The following MACO1 variants were observed in gnomAD, a reference collection of about 807,000 sequenced individuals.
The protein encoded by MACO1 is macoilin 1.
A neutral mutation model predicts 78.7 loss-of-function variants in MACO1; 14 were observed. The observed-to-expected ratio is 0.18, with a 90% CI of 0.12 to 0.28. The LOEUF (loss-of-function observed/expected upper bound fraction) is 0.28, where lower values mean the gene tolerates loss of function less well. Ranked by LOEUF, MACO1 falls within the 10% of genes least tolerant of loss-of-function variation. The pLI is 1.00. For missense variants in MACO1, 501 were observed against 799.0 expected (o/e 0.63, Z 4.50); for synonymous variants, 288 against 291.6 (o/e 0.99, Z 0.12).
At chr1:25,479,421 CT>C (rs1046239133) in intron 6 of MACO1, among the ~76,000 whole-genome samples, 5 of 149,302 alleles carry the variant, frequency 3.3e-5, no homozygotes, top group African/African-American at 4.9e-5. Flanking sequence ...ACACATACTT[CT>C]TTTTTTTTTG....
At chr1:25,487,747 A>G (rs907253914) in intron 8 of MACO1, among the ~76,000 whole-genome samples, 1 of 152,132 alleles carries the variant, frequency 6.6e-6, no homozygotes, top group Non-Finnish European at 1.5e-5. Context: ...ATTTTTTTCT[A>G]GTTCACCGCC....
chr1:25,479,453 G>A (rs1419275385), intron 6 of MACO1, among the ~76,000 whole-genome samples: 6 of 151,448 alleles, frequency 4.0e-5, no homozygotes, highest in Non-Finnish European at 1.5e-5. Context: ...TCTCTCTGTC[G>A]CCCAGACTGG....
chr1:25,467,245 G>A (rs982160558), intron 6 of MACO1, among the ~76,000 whole-genome samples: 19 of 152,126 alleles, frequency 1.2e-4, no homozygotes, highest in African/African-American at 3.6e-4. Context: ...GCAACAAAGC[G>A]AGGCTCTTTC....
At chr1:25,492,584 C>G (rs1183717667) in intron 10 of MACO1, among the ~76,000 whole-genome samples, 2 of 151,956 alleles carry the variant, frequency 1.3e-5, no homozygotes, top group African/African-American at 4.8e-5. Context: ...GGAGAGTTGT[C>G]AGAGCAGACA....
At chr1:25,432,595 T>G (rs2042885653) in intron 1 of MACO1, among the ~76,000 whole-genome samples, 1 of 152,256 alleles carries the variant, frequency 6.6e-6, no homozygotes, top group Non-Finnish European at 1.5e-5. Context: ...TACACATAGA[T>G]GGAGGAAAGG....
At chr1:25,483,207 T>C (rs950749244) in intron 6 of MACO1, among the ~76,000 whole-genome samples, 1 of 152,090 alleles carries the variant, frequency 6.6e-6, no homozygotes, top group Non-Finnish European at 1.5e-5. Flanking sequence ...CGCGCCACCA[T>C]GCCCAGCTAA....
At chr1:25,482,995 C>A (rs2043393767) in intron 6 of MACO1, among the ~76,000 whole-genome samples, 1 of 152,052 alleles carries the variant, frequency 6.6e-6, no homozygotes, top group Non-Finnish European at 1.5e-5. Context: ...TTTCTTTGTT[C>A]CTAATTGTGA....
intron 3 of MACO1, among the ~76,000 whole-genome samples, chr1:25,451,770 G>A (rs1295710025): frequency 6.6e-6 from 1 of 151,910 alleles, no homozygotes; most frequent in Non-Finnish European, 1.5e-5. Context: ...GCCAGGCATG[G>A]TGGTGTGTGC....
chr1:25,495,896 A>G lies in MACO1; in HGVS notation c.1793-2368A>G, dbSNP rs569219101. Among the ~76,000 whole-genome samples the G allele has an allele frequency of 2.6e-5, 4 of 152,170 alleles. No homozygotes were observed. In the South Asian group the frequency reaches 8.3e-4, roughly 32 times the overall value. On this transcript the variant is annotated intron_variant, in intron 10 of 10. Coordinates refer to ENST00000374343, the MANE Select transcript of MACO1 (RefSeq NM_018202.6). ...AGAATTGCTTGAACCCCGAAAGTGG[A>G]GGTTGCAGTGAGTAGCAATCACGCC...
intron 10 of MACO1, among the ~76,000 whole-genome samples, chr1:25,495,721 T>C (rs1225423684): frequency 1.3e-5 from 2 of 152,176 alleles, no homozygotes; most frequent in Admixed American, 1.3e-4. Flanking sequence ...ACCAGCACTT[T>C]GGGAGGCCAA....
intron 6 of MACO1, among the ~76,000 whole-genome samples, chr1:25,477,142 A>G (rs1390459689): frequency 6.6e-6 from 1 of 152,238 alleles, no homozygotes; most frequent in Non-Finnish European, 1.5e-5. Flanking sequence ...GTTTGATGCC[A>G]AATGTGAAAC....
chr1:25,485,855 A>T lies in MACO1; in HGVS notation c.1496+60A>T, dbSNP rs1371908218. The stretch of plus-strand genomic sequence containing the variant: ...TTGGCTTTCCTTTACCAACAAAGAC[A>T]TGGGAATTTGGTGCCTTGGGCAGGA... On this transcript the variant is annotated intron_variant, in intron 8 of 10. Transcript: ENST00000374343. This position sits in a 1 kb window ranked among gnomAD's most constrained non-coding sequence, Gnocchi z 4.3. 19 of 1,550,438 alleles carry T rather than the reference A, an allele frequency of 1.2e-5. No individual in the cohort carries two copies. Among genetic ancestry groups the T allele is most frequent in the Non-Finnish European group, 1.5e-5 (17 of 1,147,250 alleles).
At chr1:25,490,740 A>G (rs74063420) in intron 9 of MACO1, among the ~76,000 whole-genome samples, 11,183 of 152,280 alleles carry the variant, frequency 0.073, 1,345 homozygotes, top group African/African-American at 0.25. Flanking sequence ...TTTTCAAACA[A>G]TAGTTAAAAT....
chr1:25,485,747 TAGA>T lies in MACO1; in HGVS notation c.1454_1456del (p.Glu485del), dbSNP rs2043423945. 2 of 1,613,970 alleles carry T rather than the reference TAGA, an allele frequency of 1.2e-6. No homozygotes were observed. The highest frequency in any genetic ancestry group is 1.7e-5 in the Admixed American group (1 of 59,998). ...ATGGAAGAGAAAAAGAGGAAGAAGT[TAGA>T]AGAAGCCACTGCTGCCCGGGCTGTT... On this transcript the variant is annotated inframe_deletion, in exon 8 of 11. Coordinates refer to ENST00000374343, the MANE Select transcript of MACO1 (RefSeq NM_018202.6). This position sits in a 1 kb window ranked among gnomAD's most constrained non-coding sequence, Gnocchi z 4.3.
intron 6 of MACO1, among the ~76,000 whole-genome samples, chr1:25,469,122 C>G (rs2043244902): frequency 2.0e-5 from 3 of 152,076 alleles, no homozygotes; most frequent in Non-Finnish European, 4.4e-5. Flanking sequence ...GGATTACAGG[C>G]GTGAGCCACC....
At chr1:25,460,422 G>A (rs1435612465) in intron 6 of MACO1, among the ~76,000 whole-genome samples, 1 of 116,068 alleles carries the variant, frequency 8.6e-6, no homozygotes, top group African/African-American at 3.3e-5. Flanking sequence ...TTTTTTTTTT[G>A]AGATAGGATC....
chr1:25,431,110 G>A lies in MACO1; in HGVS notation c.12G>A (p.Arg4=), dbSNP rs2124562394. The part of the protein sequence containing the change: MKR[R]NADCSKLRRP... ...CCCCCAGCGGGAGGATGAAGCGGCG[G>A]AACGCCGACTGCAGTAAGCTCCGCC... is the stretch of plus-strand genomic sequence containing the variant. The change falls in exon 1 of 11, where the codon CGG becomes CGA. Residue 4 remains arginine, a synonymous_variant. Transcript: ENST00000374343. 6.3e-7 allele frequency: 1 copy of A among 1,593,734 alleles called. No individual in the cohort carries two copies. Among genetic ancestry groups the A allele is most frequent in the East Asian group, 2.3e-5 (1 of 42,802 alleles).
At chr1:25,467,608 A>G (rs2043230886) in intron 6 of MACO1, among the ~76,000 whole-genome samples, 1 of 152,076 alleles carries the variant, frequency 6.6e-6, no homozygotes, top group Non-Finnish European at 1.5e-5. Context: ...TTTATTTTTA[A>G]TATGGTATCA....
chr1:25,499,582 TAAACTC>T lies in MACO1; in HGVS notation c.*1120_*1125del, dbSNP rs1269500590. ...GAGGGTTTTTTTTTTTTAAGACTCT[TAAACTC>T]AAAACTCTGCACAAAGATTTCAGTT... On this transcript the variant is annotated 3_prime_UTR_variant, in exon 11 of 11. Coordinates refer to ENST00000374343, the MANE Select transcript of MACO1 (RefSeq NM_018202.6). 2.0e-5 allele frequency: 3 copies of T among 148,346 alleles called. No homozygotes were observed. The highest frequency in any genetic ancestry group is 2.0e-4 in the East Asian group (1 of 5,026). 9.2% of individuals were successfully genotyped at this position (148,346 alleles called of 1,614,324 possible).
Sources: gnomAD v4.1 joint callset for allele counts (sites outside exome capture counted in the v4.1 genomes callset) on GRCh38, gnomAD v4.1.1 for gene constraint, Gnocchi (gnomAD v3.1) non-coding constraint, MANE v1.5 for transcripts, NCBI Gene and HGNC (gene_info 2026-07-23, HGNC 2026-07-21) for gene names.